The following BACE2 variants were observed in gnomAD, a reference collection of about 807,000 sequenced individuals.
The protein encoded by BACE2 is 56 kDa aspartic-like protease.
BACE2 carries 17 observed loss-of-function variants against 46.2 expected under a neutral mutation model. The ratio of observed to expected loss-of-function variants is 0.37; its 90% CI spans 0.25 to 0.55. The LOEUF (loss-of-function observed/expected upper bound fraction) is 0.55. BACE2 is among the 20% of genes least tolerant of loss of function. The pLI, the probability that BACE2 is intolerant of heterozygous loss-of-function variation, is 0.82. For synonymous variants in BACE2, 277 were observed against 295.9 expected (o/e 0.94, Z 0.66); for missense variants, 595 against 698.1 (o/e 0.85, Z 1.66).
chr21:41,244,873 GTGTGTGTGAGTGTGTGTGTA>G (rs1202626669), intron 5 of BACE2, among the ~76,000 whole-genome samples: 1 of 151,880 alleles, frequency 6.6e-6, no homozygotes, highest in Non-Finnish European at 1.5e-5. Flanking sequence ...CTGTGTGTGT[GTGTGTGTGAGTGTGTGTGTA>G]TGTGTGTGTG....
intron 1 of BACE2, among the ~76,000 whole-genome samples, chr21:41,197,266 GTTTTTTTTGT>G (rs1458421041): frequency 6.9e-6 from 1 of 144,682 alleles, no homozygotes; most frequent in East Asian, 2.0e-4. Context: ...AGCCAGCCAG[GTTTTTTTTGT>G]TTTTTTTTTT....
At chr21:41,272,671 C>G (rs2088445529) in intron 8 of BACE2, among the ~76,000 whole-genome samples, 1 of 152,082 alleles carries the variant, frequency 6.6e-6, no homozygotes, top group Admixed American at 6.6e-5. Context: ...CTCTATTTAA[C>G]ATGTTTAACA....
chr21:41,269,244 G>A (rs984952378), intron 8 of BACE2, among the ~76,000 whole-genome samples: 4 of 152,268 alleles, frequency 2.6e-5, no homozygotes, highest in Non-Finnish European at 5.9e-5. Context: ...ATGAGCCACC[G>A]AGCCTGGCCT....
intron 6 of BACE2, among the ~76,000 whole-genome samples, chr21:41,249,204 C>T (rs1402313773): frequency 6.9e-6 from 1 of 144,952 alleles, no homozygotes; most frequent in African/African-American, 2.6e-5. Flanking sequence ...GTGAGCCCCA[C>T]ATGTACACTT....
intron 4 of BACE2, among the ~76,000 whole-genome samples, chr21:41,242,987 T>A (rs1269339981): frequency 6.6e-6 from 1 of 152,144 alleles, no homozygotes; most frequent in African/African-American, 2.4e-5. Flanking sequence ...CGATCTCAGC[T>A]CACTGCAGCC....
chr21:41,183,412 A>T lies in BACE2; in HGVS notation c.312+14837A>T, dbSNP rs992571076. ...CTAGATGTAACACACATCACAATAC[A>T]TGTACATATACCCAAAAACATATTA... On this transcript the variant is annotated intron_variant, in intron 1 of 8. Coordinates refer to ENST00000330333, the MANE Select transcript of BACE2 (RefSeq NM_012105.5). The T allele has an allele frequency of 4.2e-5, 7 of 167,106 alleles. No homozygotes were observed. The South Asian group carries it at 1.5e-3, about 35-fold the overall frequency. The allele number at this position is 167,106 out of a possible 1,614,324, so 10.4% of individuals were successfully genotyped here.
intron 8 of BACE2, among the ~76,000 whole-genome samples, chr21:41,266,751 C>T (rs1402757060): frequency 1.3e-5 from 2 of 152,262 alleles, no homozygotes; most frequent in African/African-American, 4.8e-5. Flanking sequence ...TCTCACCCCT[C>T]CTGGTCGTGG....
chr21:41,244,863 C>CTGTGTG (rs58015507), intron 5 of BACE2, among the ~76,000 whole-genome samples: 28,206 of 150,500 alleles, frequency 0.19, 2,874 homozygotes, highest in Middle Eastern at 0.3. Flanking sequence ...TACAAAACCT[C>CTGTGTG]TGTGTGTGTG....
chr21:41,174,605 C>T (rs748414351), intron 1 of BACE2, among the ~76,000 whole-genome samples: 18 of 152,068 alleles, frequency 1.2e-4, no homozygotes, highest in Non-Finnish European at 2.4e-4. Flanking sequence ...AGCATTGGCC[C>T]CTGAATTCAG....
chr21:41,263,953 G>A (rs977333043), intron 8 of BACE2, among the ~76,000 whole-genome samples: 1 of 152,054 alleles, frequency 6.6e-6, no homozygotes, highest in Non-Finnish European at 1.5e-5. Context: ...ATTCTTTCTA[G>A]TCTCTTCTTC....
chr21:41,263,984 A>C (rs1398693598), intron 8 of BACE2, among the ~76,000 whole-genome samples: 1 of 152,114 alleles, frequency 6.6e-6, no homozygotes, highest in East Asian at 1.9e-4. Flanking sequence ...ATTTCAAGTA[A>C]TGAGATTTCT....
chr21:41,241,655 C>T, intron 3 of BACE2, 164 bp from the exon 4 acceptor site: 1 of 698,560 alleles, frequency 1.4e-6, no homozygotes, highest in Non-Finnish European at 2.3e-6. Context: ...TCTGCTGGGG[C>T]TTTCTGAATT....
chr21:41,199,800 C>G (rs539359082), intron 1 of BACE2, among the ~76,000 whole-genome samples: 8 of 152,066 alleles, frequency 5.3e-5, no homozygotes, highest in African/African-American at 1.9e-4. Context: ...AGGCCAGGGG[C>G]GGGGATGGCT....
intron 8 of BACE2, among the ~76,000 whole-genome samples, chr21:41,262,962 T>C (rs1169350105): frequency 6.6e-6 from 1 of 152,030 alleles, no homozygotes; most frequent in Admixed American, 6.5e-5. Flanking sequence ...TCACTTGTAG[T>C]TGTTATATCT....
At chr21:41,232,597 C>T (rs114374226) in intron 2 of BACE2, among the ~76,000 whole-genome samples, 2,285 of 152,096 alleles carry the variant, frequency 0.015, 65 homozygotes, top group African/African-American at 0.052. Context: ...GTTCTTGCTC[C>T]GTTAGTTCAC....
At chr21:41,273,379 G>T (rs541146162) in intron 8 of BACE2, among the ~76,000 whole-genome samples, 2 of 152,102 alleles carry the variant, frequency 1.3e-5, no homozygotes, top group Non-Finnish European at 2.9e-5. Context: ...ATCCCTTATC[G>T]GCAACCGTAA....
At chr21:41,253,258 A>T (rs935420376) in intron 7 of BACE2, among the ~76,000 whole-genome samples, 2 of 152,018 alleles carry the variant, frequency 1.3e-5, no homozygotes, top group African/African-American at 4.8e-5. Context: ...TGGACAACAC[A>T]GTGAAACCCA....
chr21:41,238,143 G>A (rs748523458), intron 3 of BACE2, among the ~76,000 whole-genome samples: 8 of 152,236 alleles, frequency 5.3e-5, no homozygotes, highest in South Asian at 2.1e-4. Context: ...GGTGCCCTCC[G>A]CCAGGCTGGG....
chr21:41,209,738 C>T (rs1986240873), intron 1 of BACE2, among the ~76,000 whole-genome samples: 1 of 152,268 alleles, frequency 6.6e-6, no homozygotes. Flanking sequence ...GGGTTAGAAT[C>T]TCGGTCCAGC....
Sources: allele counts gnomAD v4.1 joint callset (sites outside exome capture counted in the v4.1 genomes callset), GRCh38; gene constraint gnomAD v4.1.1; transcripts MANE v1.5; gene names NCBI Gene and HGNC (gene_info 2026-07-23, HGNC 2026-07-21).